The following CERS1 variants were observed in gnomAD, a reference collection of about 807,000 sequenced individuals.
CERS1 encodes the protein Embryonic growth/differentiation factor 1.
A neutral mutation model predicts 35.7 loss-of-function variants in CERS1; 16 were observed. The observed-to-expected ratio is 0.45, with a 90% CI of 0.30 to 0.68. CERS1 has a LOEUF of 0.68. Among genes scored for constraint, CERS1 ranks in the 30% least tolerant of loss-of-function variants. CERS1 has a pLI of 0.08. For missense variants in CERS1, 454 were observed against 453.9 expected, an observed-to-expected ratio of 1.00 and a Z score of 0.00; for synonymous variants, 243 against 201.6, an observed-to-expected ratio of 1.21 and a Z score of -1.74.
intron 3 of CERS1, among the ~76,000 whole-genome samples, chr19:18,881,434 G>A (rs1224644402): frequency 6.6e-6 from 1 of 151,834 alleles, no homozygotes; most frequent in Non-Finnish European, 1.5e-5. Flanking sequence ...TGGTCCCGCT[G>A]ATCTCGAATT....
In CERS1 at chr19:18,884,218, C is replaced by G; in HGVS notation, c.459G>C (p.Leu153=). Residue 153 remains leucine, a synonymous_variant, in exon 3 of 8, where the codon CTG becomes CTC. Coordinates refer to ENST00000623882, the MANE Select transcript of CERS1 (RefSeq NM_021267.5). ...AGTGGCCATAGAAGCTTCCCTGGAGCAGGTAGGCGGCTGCAATGTCCCGTG... is the reference window on the plus strand; with the variant it reads ...AGTGGCCATAGAAGCTTCCCTGGAGGAGGTAGGCGGCTGCAATGTCCCGTG... ...AVPRDIAAAY[L]LQGSFYGHSI... The G allele has an allele frequency of 1.2e-6, 2 of 1,613,522 alleles. No homozygotes were observed. Among genetic ancestry groups the G allele is most frequent in the Non-Finnish European group, 1.7e-6 (2 of 1,179,800 alleles).
chr19:18,870,420 C>A lies in CERS1; in HGVS notation c.*157G>T. On this transcript the variant is annotated 3_prime_UTR_variant, in exon 7 of 8. Coordinates refer to ENST00000623882, the MANE Select transcript of CERS1 (RefSeq NM_021267.5). The surrounding 1 kb of genome is among the most constrained non-coding windows in gnomAD (Gnocchi z 5.1). The stretch of plus-strand genomic sequence containing the variant: ...GGGCAGGGGTCCTGGGGGGCGTGGC[C>A]GGGAACTGGAGGCAGGATGAGGGGG... The A allele has an allele frequency of 1.1e-6, 1 of 911,312 alleles. No homozygotes were observed. 56.5% of individuals were successfully genotyped at this position (911,312 alleles called of 1,614,324 possible). A position where few individuals can be genotyped will look rare whatever the true frequency, so the allele number is the denominator to read the frequency against.
intron 2 of CERS1, among the ~76,000 whole-genome samples, chr19:18,886,638 G>A (rs1452279690): frequency 6.6e-6 from 1 of 152,174 alleles, no homozygotes; most frequent in Non-Finnish European, 1.5e-5. Context: ...GGAACTCTCT[G>A]GGTTGCTCCC....
intron 6 of CERS1, among the ~76,000 whole-genome samples, chr19:18,875,236 A>T (rs1196570154): frequency 8.3e-5 from 12 of 144,558 alleles, no homozygotes; most frequent in Admixed American, 7.6e-4. Context: ...ACCGTCTCTA[A>T]AAAAAAAAAA....
intron 3 of CERS1, chr19:18,881,949 A>G (rs2056221671): frequency 6.6e-6 from 1 of 152,260 alleles, no homozygotes; most frequent in African/African-American, 2.4e-5. Context: ...AGCTTGGACT[A>G]CAGGCACTCA....
At position 18,870,762 on chromosome 19, in the gene CERS1, C is replaced by CGCCTTCACCCTGCCCCTCCTT. The variant is rs1284472854; in HGVS notation, c.1011-164_1011-144dup. Reference sequence around the variant, plus strand: ...GGGCCTCGCCTTGTGGCTTCCTCCTCGCCTTCACCCTGCCCCTCCTTGCCT... The same window carrying CGCCTTCACCCTGCCCCTCCTT: ...GGGCCTCGCCTTGTGGCTTCCTCCTCGCCTTCACCCTGCCCCTCCTTGCCTTCACCCTGCCCCTCCTTGCCT... On this transcript the variant is annotated intron_variant, in intron 6 of 7. Coordinates refer to ENST00000623882, the MANE Select transcript of CERS1 (RefSeq NM_021267.5). The surrounding 1 kb of genome is among the most constrained non-coding windows in gnomAD (Gnocchi z 5.1). 8.0e-5 allele frequency: 35 copies of CGCCTTCACCCTGCCCCTCCTT among 440,018 alleles called. No individual in the cohort carries two copies. The highest frequency in any genetic ancestry group is 6.7e-4 in the East Asian group (19 of 28,238). The allele number at this position is 440,018 out of a possible 1,614,324, so 27.3% of individuals were successfully genotyped here. A position where few individuals can be genotyped will look rare whatever the true frequency, so the allele number is the denominator to read the frequency against.
At chr19:18,876,339 GTTTGTTTTGGTTTGTCTTTTTTC>G (rs1449907494) in intron 6 of CERS1, among the ~76,000 whole-genome samples, 20 of 151,858 alleles carry the variant, frequency 1.3e-4, no homozygotes, top group African/African-American at 3.9e-4. Flanking sequence ...AAACTTTTTT[GTTTGTTTTGGTTTGTCTTTTTTC>G]TTTGTTTTGA....
chr19:18,896,777 C>G (rs1272538381), upstream of CERS1: 2 of 152,416 alleles, frequency 1.3e-5, no homozygotes, highest in Non-Finnish European at 2.9e-5. This position sits in a 1 kb window ranked among gnomAD's most constrained non-coding sequence, Gnocchi z 5.9. Context: ...CAATGGGGTT[C>G]CAGCTTGGAC....
At chr19:18,873,422 C>T (rs751487902) in intron 6 of CERS1, among the ~76,000 whole-genome samples, 5 of 151,928 alleles carry the variant, frequency 3.3e-5, no homozygotes, top group East Asian at 1.9e-4. Context: ...AAGGGCCAGG[C>T]GCAGTGGCTC....
At chr19:18,883,953 C>G (rs776076783) in intron 3 of CERS1, 134 bp downstream of exon 3, 12 of 953,842 alleles carry the variant, frequency 1.3e-5, no homozygotes, top group Non-Finnish European at 1.8e-5. Context: ...CCTGAGCACT[C>G]TGACCTTGGA....
chr19:18,880,067 T>A (rs1357684281), intron 4 of CERS1, among the ~76,000 whole-genome samples: 1 of 145,982 alleles, frequency 6.9e-6, no homozygotes, highest in Non-Finnish European at 1.5e-5. Context: ...CACTCCTAGC[T>A]CAGTTGGCCC....
In CERS1 at chr19:18,893,404, C is replaced by T. The variant is rs2056544022; in HGVS notation, c.409+12G>A. Reference sequence around the variant, plus strand: ...AGCAGAGCCCTCCCGGCCATCCCCTCAGGGCCCCTACCGTAGAAGACAGAT... The same window carrying T: ...AGCAGAGCCCTCCCGGCCATCCCCTTAGGGCCCCTACCGTAGAAGACAGAT... On this transcript the variant is annotated intron_variant, in intron 2 of 7. Coordinates refer to ENST00000623882, the MANE Select transcript of CERS1 (RefSeq NM_021267.5). The T allele has an allele frequency of 6.3e-7, 1 of 1,596,276 alleles. No individual in the cohort carries two copies.
intron 6 of CERS1, among the ~76,000 whole-genome samples, chr19:18,873,559 C>A (rs919135432): frequency 1.3e-5 from 2 of 151,856 alleles, no homozygotes; most frequent in African/African-American, 4.8e-5. Context: ...TAGCCGGGGC[C>A]AAGCATGGTG....
At chr19:18,880,510 A>G (rs1277157956) in intron 3 of CERS1, 75 bp from the exon 4 acceptor site, 39 of 1,422,120 alleles carry the variant, frequency 2.7e-5, no homozygotes, top group Non-Finnish European at 2.9e-5. Flanking sequence ...GGCCCCCAGC[A>G]GAGTCCCTGG....
rs1467016544 is a variant in CERS1, at chr19:18,868,675, C to A, written c.*1310G>T. ...CGTTGTCGCTGTTGTCAAAGAAGAG[C>A]ACGGAGATGGGCGACAGGCGCGCGG... On this transcript the variant is annotated 3_prime_UTR_variant, in exon 8 of 8. Coordinates refer to ENST00000623882, the MANE Select transcript of CERS1 (RefSeq NM_021267.5). 15 of 1,572,922 alleles carry A rather than the reference C, an allele frequency of 9.5e-6. No homozygotes were observed. The Admixed American group carries it at 2.4e-4, about 25-fold the overall frequency.
chr19:18,879,008 G>A lies in CERS1; in HGVS notation c.932C>T (p.Thr311Ile). 6.2e-7 allele frequency: 1 copy of A among 1,613,728 alleles called. No individual in the cohort carries two copies. The highest frequency in any genetic ancestry group is 8.5e-7 in the Non-Finnish European group (1 of 1,179,838). ...YIVAFAAKVL[T>I]GQVHELKDLR... ...GTCCTTCAGCTCGTGCACCTGGCCT[G>A]TCAACACCTTGGCTGCAAACGCCAC... Residue 311 changes from threonine to isoleucine, a missense_variant, in exon 6 of 8, where the codon ACA becomes ATA. Coordinates refer to ENST00000623882, the MANE Select transcript of CERS1 (RefSeq NM_021267.5).
chr19:18,879,413 C>T (rs368841780), intron 4 of CERS1, 25 bp from the exon 5 acceptor site: 124 of 1,551,764 alleles, frequency 8.0e-5, no homozygotes, highest in African/African-American at 1.5e-4. Context: ...GTCAGGAGGC[C>T]GTGGGTGGAG....
In CERS1 at chr19:18,895,807, C is replaced by G; in HGVS notation, c.249+17G>C. 1.6e-6 allele frequency: 2 copies of G among 1,214,710 alleles called. No homozygotes were observed. Among genetic ancestry groups the G allele is most frequent in the Non-Finnish European group, 2.1e-6 (2 of 966,400 alleles). The allele number at this position is 1,214,710 out of a possible 1,614,324, so 75.2% of individuals were successfully genotyped here. A position where few individuals can be genotyped will look rare whatever the true frequency, so the allele number is the denominator to read the frequency against. ...CCAGTCCGGGGTCCCCTCGTCCCGG[C>G]CCCCGGCCACACTGACCCGAAAGAG... On this transcript the variant is annotated intron_variant, in intron 1 of 7. Transcript: ENST00000623882. The surrounding 1 kb of genome is among the most constrained non-coding windows in gnomAD (Gnocchi z 6.4).
Position 18,895,933 on chromosome 19 carries a change from C to A in CERS1, c.140G>T (p.Arg47Leu), listed in dbSNP as rs1199456812. The change falls in exon 1 of 8, where the codon CGC (arginine) becomes CTC (leucine). Residue 47 changes from arginine to leucine, a missense_variant. Coordinates refer to ENST00000623882, the MANE Select transcript of CERS1 (RefSeq NM_021267.5). The surrounding 1 kb of genome is among the most constrained non-coding windows in gnomAD (Gnocchi z 6.4). ...CAGGTGCGCGTGCTCAGCCAGGCCG[C>A]GACGCGCCAGCCCCCAGCCGCAGTC... ...CTDCGWGLAR[R>L]GLAEHAHLAP... 1 of 1,199,352 alleles carries A rather than the reference C, an allele frequency of 8.3e-7. No homozygotes were observed. 74.3% of individuals were successfully genotyped at this position (1,199,352 alleles called of 1,614,324 possible).
Sources: gnomAD v4.1 joint callset for allele counts (sites outside exome capture counted in the v4.1 genomes callset) on GRCh38, gnomAD v4.1.1 for gene constraint, Gnocchi (gnomAD v3.1) non-coding constraint, MANE v1.5 for transcripts, NCBI Gene and HGNC (gene_info 2026-07-23, HGNC 2026-07-21) for gene names.